The following EEFSEC variants were observed in gnomAD, a reference collection of about 807,000 sequenced individuals.
EEFSEC encodes eukaryotic elongation factor, selenocysteine-tRNA specific.
EEFSEC carries 43 observed loss-of-function variants against 42.1 expected under a neutral mutation model. That is an observed-to-expected ratio of 1.02 (90% CI 0.80 to 1.32). The LOEUF is 1.32. Ranked by LOEUF, EEFSEC falls within the 40% of genes most tolerant of loss-of-function variation. The pLI is 0.00. For missense variants in EEFSEC, 745 were observed against 803.6 expected (o/e 0.93, Z 0.88); for synonymous variants, 354 against 339.1 (o/e 1.04, Z -0.48).
chr3:128,176,825 A>G (rs1010955529), intron 1 of EEFSEC, among the ~76,000 whole-genome samples: 3 of 152,120 alleles, frequency 2.0e-5, no homozygotes, highest in African/African-American at 7.2e-5. Flanking sequence ...TATCTAGTAC[A>G]TGATAAGCTT....
chr3:128,182,750 A>C (rs1033926512), intron 1 of EEFSEC, among the ~76,000 whole-genome samples: 1 of 152,100 alleles, frequency 6.6e-6, no homozygotes, highest in African/African-American at 2.4e-5. Flanking sequence ...AGACCTGTGC[A>C]GTAGGGGTTA....
rs576133455 is a variant in EEFSEC, at chr3:128,389,274, G to A, written c.1601-18795G>A. Among the ~76,000 whole-genome samples, 190 of 152,350 alleles carry A rather than the reference G, an allele frequency of 1.2e-3. 3 individuals carry two copies. The highest frequency in any genetic ancestry group is 4.2e-3 in the African/African-American group (174 of 41,576). Reference sequence around the variant, plus strand: ...GCAGAGGAGGAAGACAAGCCAGGCCGCCCACCACTCTGGCAGGCATTTTGG... The same window carrying A: ...GCAGAGGAGGAAGACAAGCCAGGCCACCCACCACTCTGGCAGGCATTTTGG... On this transcript the variant is annotated intron_variant, in intron 6 of 6. Transcript: ENST00000254730.
chr3:128,308,501 C>T (rs1222474037), intron 4 of EEFSEC, among the ~76,000 whole-genome samples: 1 of 152,224 alleles, frequency 6.6e-6, no homozygotes, highest in Non-Finnish European at 1.5e-5. Context: ...GCTGGAAAAA[C>T]TGAAGCCAAA....
chr3:128,380,673 G>A (rs954481067), intron 6 of EEFSEC, among the ~76,000 whole-genome samples: 13 of 152,240 alleles, frequency 8.5e-5, no homozygotes, highest in African/African-American at 3.1e-4. Context: ...GGAACTTGCT[G>A]TTCTGGTCAG....
chr3:128,231,916 G>A (rs1426273138), intron 1 of EEFSEC, among the ~76,000 whole-genome samples: 1 of 152,228 alleles, frequency 6.6e-6, no homozygotes, highest in Admixed American at 6.5e-5. Flanking sequence ...TTCCCTGGGT[G>A]AGGTTTGTGT....
At chr3:128,265,310 C>T (rs1298984887) in intron 4 of EEFSEC, among the ~76,000 whole-genome samples, 5 of 152,268 alleles carry the variant, frequency 3.3e-5, no homozygotes, top group Admixed American at 6.5e-5. Context: ...TGGTGGCCAT[C>T]GACAGATGCC....
chr3:128,258,284 G>C (rs1413352810), intron 2 of EEFSEC, among the ~76,000 whole-genome samples: 25 of 152,304 alleles, frequency 1.6e-4, no homozygotes, highest in Non-Finnish European at 8.8e-5. Context: ...CCAGGTCAGT[G>C]TCCCTGGGGA....
chr3:128,318,897 C>T (rs1057212936), intron 4 of EEFSEC, among the ~76,000 whole-genome samples: 1 of 152,236 alleles, frequency 6.6e-6, no homozygotes, highest in South Asian at 2.1e-4. Flanking sequence ...CTCACATCAC[C>T]TGCAGGAGTA....
intron 2 of EEFSEC, among the ~76,000 whole-genome samples, chr3:128,254,626 G>A (rs1250640694): frequency 6.6e-6 from 1 of 152,146 alleles, no homozygotes; most frequent in East Asian, 1.9e-4. Flanking sequence ...AGGAGGTGAG[G>A]GCAACAGTGT....
intron 1 of EEFSEC, among the ~76,000 whole-genome samples, chr3:128,186,189 T>C (rs1303422867): frequency 1.3e-5 from 2 of 152,236 alleles, no homozygotes; most frequent in Admixed American, 1.3e-4. Flanking sequence ...TGATGGTGAG[T>C]GATATTTAGC....
At chr3:128,241,198 TC>T (rs1191000675) in intron 1 of EEFSEC, among the ~76,000 whole-genome samples, 23 of 110,256 alleles carry the variant, frequency 2.1e-4, no homozygotes, top group Admixed American at 1.3e-3. Flanking sequence ...TCTCTCTCTC[TC>T]TCTTTTTTTT....
intron 2 of EEFSEC, among the ~76,000 whole-genome samples, chr3:128,255,145 A>G (rs2066228489): frequency 6.6e-6 from 1 of 151,934 alleles, no homozygotes; most frequent in South Asian, 2.1e-4. Flanking sequence ...GCGGTTTGGG[A>G]GCGGCCCACA....
intron 1 of EEFSEC, among the ~76,000 whole-genome samples, chr3:128,176,577 A>T (rs775718876): frequency 9.9e-5 from 15 of 152,224 alleles, no homozygotes; most frequent in Non-Finnish European, 2.2e-4. Context: ...ATATGTGATG[A>T]CAGGAACTTC....
chr3:128,205,116 AAATT>A (rs990781242), intron 1 of EEFSEC, among the ~76,000 whole-genome samples: 6 of 152,184 alleles, frequency 3.9e-5, no homozygotes, highest in African/African-American at 1.2e-4. Context: ...GAACTAGTTA[AAATT>A]AATTAAAGTG....
intron 6 of EEFSEC, among the ~76,000 whole-genome samples, chr3:128,403,737 C>T (rs11715947): frequency 0.097 from 14,829 of 152,198 alleles, 1,041 homozygotes; most frequent in East Asian, 0.35. Flanking sequence ...CCTGTGGATC[C>T]GTGACAGCAA....
At chr3:128,332,973 A>C (rs1162725256) in intron 4 of EEFSEC, among the ~76,000 whole-genome samples, 1 of 152,114 alleles carries the variant, frequency 6.6e-6, no homozygotes, top group Non-Finnish European at 1.5e-5. Flanking sequence ...TTAAAAGCTT[A>C]TTTCATTTTT....
chr3:128,361,535 G>A (rs2067525596), intron 6 of EEFSEC, among the ~76,000 whole-genome samples: 1 of 152,198 alleles, frequency 6.6e-6, no homozygotes, highest in African/African-American at 2.4e-5. Flanking sequence ...ACGAGGTGAA[G>A]CTGAACCGTA....
At chr3:128,383,331 G>T (rs1272579567) in intron 6 of EEFSEC, among the ~76,000 whole-genome samples, 1 of 152,204 alleles carries the variant, frequency 6.6e-6, no homozygotes, top group Non-Finnish European at 1.5e-5. Context: ...ATATGGGGAA[G>T]GTATGCTCAG....
At chr3:128,328,458 G>T (rs534292681) in intron 4 of EEFSEC, among the ~76,000 whole-genome samples, 1 of 152,322 alleles carries the variant, frequency 6.6e-6, no homozygotes, top group Admixed American at 6.5e-5. Flanking sequence ...TGCACCCCAG[G>T]ACCAAGGAGT....
Sources: gnomAD v4.1 joint callset for allele counts (sites outside exome capture counted in the v4.1 genomes callset) on GRCh38, gnomAD v4.1.1 for gene constraint, MANE v1.5 for transcripts, NCBI Gene and HGNC (gene_info 2026-07-23, HGNC 2026-07-21) for gene names.